The following BBS9 variants were observed in gnomAD, a reference collection of about 807,000 sequenced individuals.
BBS9 encodes Bardet-Biedl syndrome 9.
In BBS9, 89 loss-of-function variants were observed where a neutral mutation model predicts 117.7. That is an observed-to-expected ratio of 0.76 (90% CI 0.64 to 0.90). BBS9 has a LOEUF of 0.90. Ranked by LOEUF, BBS9 falls within the 40% of genes least tolerant of loss-of-function variation. BBS9 has a pLI of 0.00. For missense variants in BBS9, 982 were observed against 1,042.2 expected (o/e 0.94, Z 0.80); for synonymous variants, 379 against 370.9 (o/e 1.02, Z -0.25).
intron 10 of BBS9, among the ~76,000 whole-genome samples, chr7:33,338,410 A>C (rs542995789): frequency 4.6e-5 from 7 of 152,240 alleles, no homozygotes; most frequent in Non-Finnish European, 8.8e-5. Flanking sequence ...AAAATGCTGA[A>C]CTTTTTGATG....
Position 33,490,809 on chromosome 7 carries a change from A to G in BBS9, c.2116-14654A>G, listed in dbSNP as rs542569174. 5.3e-5 allele frequency among the ~76,000 whole-genome samples: 8 copies of G among 152,366 alleles called. No homozygotes were observed. In the South Asian group the frequency reaches 1.4e-3, roughly 28 times the overall value. The stretch of plus-strand genomic sequence containing the variant: ...AGTTTCTTTCATTGAAGTCATAAGC[A>G]TAATTAATCTGAAAATAAGTAACAA... On this transcript the variant is annotated intron_variant, in intron 19 of 22. Coordinates refer to ENST00000242067, the MANE Select transcript of BBS9 (RefSeq NM_198428.3).
At chr7:33,517,694 T>C (rs1269323583) in intron 20 of BBS9, among the ~76,000 whole-genome samples, 1 of 152,140 alleles carries the variant, frequency 6.6e-6, no homozygotes, top group Non-Finnish European at 1.5e-5. Context: ...TTCCAATTTA[T>C]AGATGAGGAA....
At chr7:33,584,291 C>A (rs898050660) in intron 21 of BBS9, among the ~76,000 whole-genome samples, 3 of 151,806 alleles carry the variant, frequency 2.0e-5, no homozygotes, top group Non-Finnish European at 4.4e-5. Context: ...TATGATTATT[C>A]TTTTTTCTAA....
At position 33,371,606 on chromosome 7, in the gene BBS9, G is replaced by A. The variant is rs1352208898; in HGVS notation, c.1789+3744G>A. 4.6e-5 allele frequency among the ~76,000 whole-genome samples: 7 copies of A among 152,102 alleles called. No individual in the cohort carries two copies. The East Asian group carries it at 7.7e-4, about 17-fold the overall frequency. On this transcript the variant is annotated intron_variant, in intron 17 of 22. Transcript: ENST00000242067. The stretch of plus-strand genomic sequence containing the variant: ...GAGGGGATGGGATGCAGAAGCTTGC[G>A]GGAGGGTTTGAGGAATAGGCCTTTG...
At chr7:33,351,528 G>A in intron 14 of BBS9, 1 of 576,948 alleles carries the variant, frequency 1.7e-6, no homozygotes. Context: ...CATATGTAAT[G>A]TTTGGTTCCC....
At chr7:33,310,822 T>G (rs1204279456) in intron 9 of BBS9, among the ~76,000 whole-genome samples, 1 of 152,250 alleles carries the variant, frequency 6.6e-6, no homozygotes, top group South Asian at 2.1e-4. Context: ...ATTTAATTAA[T>G]TCAGCAAGTG....
At chr7:33,214,459 T>C (rs1441497933) in intron 5 of BBS9, among the ~76,000 whole-genome samples, 1 of 152,230 alleles carries the variant, frequency 6.6e-6, no homozygotes, top group Non-Finnish European at 1.5e-5. Flanking sequence ...AAGTTAAAAC[T>C]AGTTAAACTT....
At chr7:33,278,107 T>C (rs1269241952) in intron 9 of BBS9, among the ~76,000 whole-genome samples, 1 of 152,204 alleles carries the variant, frequency 6.6e-6, no homozygotes, top group East Asian at 1.9e-4. Flanking sequence ...GCTAGAGGGA[T>C]GTAGGTTAGA....
chr7:33,475,402 G>T (rs577720112), intron 19 of BBS9, among the ~76,000 whole-genome samples: 33 of 152,264 alleles, frequency 2.2e-4, no homozygotes, highest in African/African-American at 7.9e-4. Flanking sequence ...CTGGTTGCTG[G>T]TTCAGCATAT....
intron 6 of BBS9, among the ~76,000 whole-genome samples, chr7:33,262,062 A>C (rs1210235901): frequency 6.6e-6 from 1 of 152,202 alleles, no homozygotes; most frequent in Non-Finnish European, 1.5e-5. Context: ...GTTAAGAGGA[A>C]TTAAGGAAGA....
chr7:33,231,243 A>T (rs565238160), intron 5 of BBS9, among the ~76,000 whole-genome samples: 3 of 151,966 alleles, frequency 2.0e-5, no homozygotes, highest in African/African-American at 7.2e-5. Context: ...AGGTCATGTG[A>T]TCCTCCTTCC....
intron 14 of BBS9, chr7:33,352,000 C>T (rs1818755653): frequency 6.5e-6 from 1 of 153,902 alleles, no homozygotes; most frequent in Admixed American, 6.4e-5. Flanking sequence ...GGGTTTCATC[C>T]AGGACCAGCA....
chr7:33,524,747 C>G (rs1849209179), intron 20 of BBS9, among the ~76,000 whole-genome samples: 1 of 152,130 alleles, frequency 6.6e-6, no homozygotes, highest in African/African-American at 2.4e-5. Flanking sequence ...TCTCTATTTC[C>G]TTCAGTTCTG....
At chr7:33,187,197 A>T (rs890125863) in intron 5 of BBS9, among the ~76,000 whole-genome samples, 5 of 152,254 alleles carry the variant, frequency 3.3e-5, no homozygotes, top group African/African-American at 9.6e-5. Flanking sequence ...GAAGAAAATA[A>T]TATTGTTTTA....
chr7:33,466,618 T>C (rs1840205140), intron 19 of BBS9, among the ~76,000 whole-genome samples: 1 of 152,130 alleles, frequency 6.6e-6, no homozygotes, highest in Non-Finnish European at 1.5e-5. Flanking sequence ...GGAGTAATGA[T>C]AGTCTTGAAA....
At chr7:33,183,644 A>T (rs966646195) in intron 5 of BBS9, among the ~76,000 whole-genome samples, 2 of 152,200 alleles carry the variant, frequency 1.3e-5, no homozygotes, top group Non-Finnish European at 2.9e-5. Context: ...AGAGCAGTCA[A>T]TTTTGAGCTT....
intron 2 of BBS9, among the ~76,000 whole-genome samples, chr7:33,150,017 C>T (rs559029423): frequency 6.6e-6 from 1 of 152,320 alleles, no homozygotes; most frequent in African/African-American, 2.4e-5. Flanking sequence ...TTTAAGTCTT[C>T]TCCAACCCTT....
intron 19 of BBS9, among the ~76,000 whole-genome samples, chr7:33,410,498 A>T (rs978678479): frequency 1.3e-5 from 2 of 151,740 alleles, no homozygotes; most frequent in Non-Finnish European, 2.9e-5. Flanking sequence ...CCTCTCTGTC[A>T]CTCTCCCAGG....
intron 5 of BBS9, among the ~76,000 whole-genome samples, chr7:33,247,214 A>G (rs941302396): frequency 1.3e-5 from 2 of 152,140 alleles, no homozygotes; most frequent in African/African-American, 4.8e-5. Flanking sequence ...AGTAATATCA[A>G]TTACTTAACA....
Sources: allele counts gnomAD v4.1 joint callset (sites outside exome capture counted in the v4.1 genomes callset), GRCh38; gene constraint gnomAD v4.1.1; transcripts MANE v1.5; gene names NCBI Gene and HGNC (gene_info 2026-07-23, HGNC 2026-07-21).